Variants in POLN observed in about 807,000 individuals in gnomAD.
POLN encodes the protein DNA polymerase N.
POLN carries 108 observed loss-of-function variants against 113.5 expected under a neutral mutation model. The ratio of observed to expected loss-of-function variants is 0.95; its 90% CI spans 0.81 to 1.12. The LOEUF is 1.12. Among genes scored for constraint, POLN ranks in the 50% most tolerant of loss-of-function variants. POLN has a pLI of 0.00. For missense variants in POLN, 1,097 were observed against 1,077.1 expected, an observed-to-expected ratio of 1.02 and a Z score of -0.26; for synonymous variants, 386 against 391.5, an observed-to-expected ratio of 0.99 and a Z score of 0.17.
At chr4:2,118,538 C>T (rs1326198982) in intron 19 of POLN, among the ~76,000 whole-genome samples, 1 of 152,218 alleles carries the variant, frequency 6.6e-6, no homozygotes, top group Non-Finnish European at 1.5e-5. Flanking sequence ...AAGCCGCAAG[C>T]TCATTAGGGA....
At chr4:2,190,751 CCAA>C (rs1733419537) in intron 7 of POLN, among the ~76,000 whole-genome samples, 1 of 151,900 alleles carries the variant, frequency 6.6e-6, no homozygotes, top group Non-Finnish European at 1.5e-5. Flanking sequence ...ATACAAAAGG[CCAA>C]CAAGAATATT....
At chr4:2,145,957 C>A (rs761319016) in intron 16 of POLN, among the ~76,000 whole-genome samples, 1 of 151,846 alleles carries the variant, frequency 6.6e-6, no homozygotes, top group Non-Finnish European at 1.5e-5. Context: ...CGTCTGTCAA[C>A]ACAGATAAAT....
rs1416716491 is a variant in POLN at position 2,078,633 on chromosome 4, G to A, written c.2387+2325C>T. ...GCCTGGCCACACTGAGCCTGCACCCGTCCCTTCCAGACGCCATCCACAGCC... is the reference window on the plus strand; with the variant it reads ...GCCTGGCCACACTGAGCCTGCACCCATCCCTTCCAGACGCCATCCACAGCC... On this transcript the variant is annotated intron_variant, in intron 23 of 25. Coordinates refer to ENST00000511885, the MANE Select transcript of POLN (RefSeq NM_181808.4). 5 of 985,362 alleles carry A rather than the reference G, an allele frequency of 5.1e-6. 1 individual carries two copies. The South Asian group carries it at 1.9e-4, about 37-fold the overall frequency. The allele number at this position is 985,362 out of a possible 1,614,324, so 61.0% of individuals were successfully genotyped here.
intron 8 of POLN, among the ~76,000 whole-genome samples, chr4:2,177,792 G>A (rs1733031649): frequency 1.3e-5 from 2 of 152,178 alleles, no homozygotes; most frequent in South Asian, 4.1e-4. Flanking sequence ...CAAGATGCCT[G>A]GCCTCCCTGG....
chr4:2,108,164 G>T (rs1000190709), intron 19 of POLN, among the ~76,000 whole-genome samples: 1 of 152,192 alleles, frequency 6.6e-6, no homozygotes, highest in Non-Finnish European at 1.5e-5. Flanking sequence ...CAACTGTGAT[G>T]ATTCTAAACA....
chr4:2,229,168 G>A lies in POLN; in HGVS notation c.64C>T (p.Gln22Ter), dbSNP rs756800343. 10 of 1,610,708 alleles carry A rather than the reference G, an allele frequency of 6.2e-6. 1 individual carries two copies. Among genetic ancestry groups the A allele is most frequent in the Middle Eastern group, 1.6e-4 (1 of 6,084 alleles). Residue 22 changes from glutamine to a stop codon, truncating the protein, a stop_gained, in exon 3 of 26, where the codon CAG becomes TAG. Transcript: ENST00000511885. LOFTEE classifies it high-confidence loss of function. The part of the protein sequence containing the change: ...LCNTPLSSVA[Q>*]KIMSAMHSGD... ...GAATGCATAGCAGACATAATCTTCT[G>A]AGCAACACTGGAGAGCGGTGTATTA...
At chr4:2,104,800 G>A (rs1731012343) in intron 19 of POLN, among the ~76,000 whole-genome samples, 1 of 152,184 alleles carries the variant, frequency 6.6e-6, no homozygotes, top group South Asian at 2.1e-4. Flanking sequence ...TGAATAGACT[G>A]TGGCCTCAGG....
chr4:2,167,242 G>T lies in POLN; in HGVS notation c.1554+3437C>A, dbSNP rs142007412. 1.5e-3 allele frequency among the ~76,000 whole-genome samples: 236 copies of T among 152,278 alleles called. 2 individuals are homozygous for T. The highest frequency in any genetic ancestry group is 5.4e-3 in the African/African-American group (223 of 41,542). ...GGTCGCAGAAGCAACTCCCAGAAATGATGAGTGGCTGGTCCAGGAATCCTG... is the reference window on the plus strand; with the variant it reads ...GGTCGCAGAAGCAACTCCCAGAAATTATGAGTGGCTGGTCCAGGAATCCTG... On this transcript the variant is annotated intron_variant, in intron 13 of 25. Transcript: ENST00000511885.
chr4:2,212,617 C>G (rs1734018824), intron 4 of POLN, among the ~76,000 whole-genome samples: 1 of 151,984 alleles, frequency 6.6e-6, no homozygotes, highest in African/African-American at 2.4e-5. Flanking sequence ...AATTCCTGGC[C>G]TCAAGTGGTC....
chr4:2,145,236 T>C (rs1486449710), intron 16 of POLN, among the ~76,000 whole-genome samples: 1 of 152,160 alleles, frequency 6.6e-6, no homozygotes, highest in Non-Finnish European at 1.5e-5. Flanking sequence ...AGGATCTTTA[T>C]GATCTCCAAG....
At chr4:2,086,500 G>T (rs1730554154) in intron 20 of POLN, among the ~76,000 whole-genome samples, 2 of 152,112 alleles carry the variant, frequency 1.3e-5, no homozygotes, top group Non-Finnish European at 2.9e-5. Context: ...AGGAACAAGA[G>T]CCCTTATCCT....
chr4:2,185,303 T>C (rs1733242822), intron 7 of POLN, among the ~76,000 whole-genome samples: 1 of 152,194 alleles, frequency 6.6e-6, no homozygotes, highest in Non-Finnish European at 1.5e-5. Flanking sequence ...GATAACATAT[T>C]AAATGAGAAG....
In POLN at chr4:2,127,122, G is replaced by A. The variant is rs905728497; in HGVS notation, c.1982+991C>T. Among the ~76,000 whole-genome samples, 1 of 151,154 alleles carries A rather than the reference G, an allele frequency of 6.6e-6. No individual in the cohort carries two copies. Among genetic ancestry groups the A allele is most frequent in the African/African-American group, 2.4e-5 (1 of 41,062 alleles). The stretch of plus-strand genomic sequence containing the variant: ...GAACAGGTGGCAGGAGATGAGCTGG[G>A]ACGGAGGGTAGGGAGGGGTGAGGGG... On this transcript the variant is annotated intron_variant, in intron 19 of 25. Transcript: ENST00000511885. This position sits in a 1 kb window ranked among gnomAD's most constrained non-coding sequence, Gnocchi z 4.7.
chr4:2,204,109 C>CAAAAAAAAAAAAA (rs566255148), intron 5 of POLN, among the ~76,000 whole-genome samples: 13 of 53,232 alleles, frequency 2.4e-4, no homozygotes, highest in Non-Finnish European at 3.2e-4. Flanking sequence ...AACTCTATCA[C>CAAAAAAAAAAAAA]AAAAAAAAAA....
intron 7 of POLN, among the ~76,000 whole-genome samples, chr4:2,182,605 T>C (rs1030109080): frequency 6.6e-6 from 1 of 152,204 alleles, no homozygotes; most frequent in African/African-American, 2.4e-5. Context: ...TTTATGGTAA[T>C]GTTACAGCAG....
chr4:2,206,958 T>C (rs1472801389), intron 5 of POLN, among the ~76,000 whole-genome samples: 4 of 152,220 alleles, frequency 2.6e-5, no homozygotes, highest in African/African-American at 4.8e-5. Flanking sequence ...TGCATGGTTA[T>C]AGCAGCACAA....
In POLN at chr4:2,229,220, A is replaced by AT. The variant is rs1193937428; in HGVS notation, c.11dup (p.Tyr4Ter). 6.3e-7 allele frequency: 1 copy of AT among 1,598,026 alleles called. No homozygotes were observed. Among genetic ancestry groups the AT allele is most frequent in the East Asian group, 2.2e-5 (1 of 44,516 alleles). The change falls in exon 3 of 26, where the codon TAT becomes TAAT. Residue 4 changes from tyrosine (Y) to a stop codon, truncating the protein, a stop_gained and frameshift_variant. Coordinates refer to ENST00000511885, the MANE Select transcript of POLN (RefSeq NM_181808.4). LOFTEE classifies it high-confidence loss of function. ...AGAGATCAAAGCCTACCAATGCCTC[A>AT]TAATTTTCCATTTTCACAAAATCCT... is the stretch of plus-strand genomic sequence containing the variant. The part of the protein sequence containing the change: MEN[Y>*]EALVGFDLCN...
intron 2 of POLN, chr4:2,238,934 A>C (rs1200214300): frequency 6.2e-7 from 1 of 1,609,860 alleles, no homozygotes; most frequent in Non-Finnish European, 8.5e-7. Flanking sequence ...ATTCTCTCTT[A>C]CCACAGCAGG....
Position 2,072,130 on chromosome 4 carries a change from G to A in POLN, c.2687C>T (p.Pro896Leu). The change falls in exon 26 of 26, where the codon CCT becomes CTT. Residue 896 changes from proline (P) to leucine (L), a missense_variant. Coordinates refer to ENST00000511885, the MANE Select transcript of POLN (RefSeq NM_181808.4). ...STQPPPLHFS[P>L]SFCL ...TGCCTGGGGCTACAGACAAAATGAAGGCGAAAAATGCAGGGGTGGGGGCTG... is the reference window on the plus strand; with the variant it reads ...TGCCTGGGGCTACAGACAAAATGAAAGCGAAAAATGCAGGGGTGGGGGCTG... 1.2e-6 allele frequency: 2 copies of A among 1,612,870 alleles called. No homozygotes were observed. Among genetic ancestry groups the A allele is most frequent in the East Asian group, 4.5e-5 (2 of 44,856 alleles).
Sources: allele counts gnomAD v4.1 joint callset (sites outside exome capture counted in the v4.1 genomes callset), GRCh38; gene constraint gnomAD v4.1.1; non-coding constraint Gnocchi (gnomAD v3.1); transcripts MANE v1.5; gene names NCBI Gene and HGNC (gene_info 2026-07-23, HGNC 2026-07-21).